FTO: variants seen among roughly 807,000 people sequenced by gnomAD.
The protein encoded by FTO is alpha-ketoglutarate-dependent dioxygenase FTO.
In FTO, 47 loss-of-function variants were observed where a neutral mutation model predicts 63.9. The ratio of observed to expected loss-of-function variants is 0.74; its 90% CI spans 0.58 to 0.94. The LOEUF is 0.94. Ranked by LOEUF, FTO falls within the 40% of genes least tolerant of loss-of-function variation. The pLI, the probability that FTO is intolerant of heterozygous loss-of-function variation, is 0.00. For synonymous variants in FTO, 207 were observed against 224.4 expected (o/e 0.92, Z 0.69); for missense variants, 562 against 618.1 (o/e 0.91, Z 0.96).
chr16:53,741,126 A>T (rs148368682), intron 1 of FTO, among the ~76,000 whole-genome samples: 1 of 152,382 alleles, frequency 6.6e-6, no homozygotes, highest in South Asian at 2.1e-4. Context: ...TTATTGAAAC[A>T]TAGCCATGCT....
At chr16:53,764,355 G>C (rs1462807418) in intron 1 of FTO, 2 of 152,434 alleles carry the variant, frequency 1.3e-5, no homozygotes, top group Non-Finnish European at 2.9e-5. Flanking sequence ...GGTGTGGCTG[G>C]GCGCGGTGGC....
chr16:53,958,400 G>A (rs1000234588), intron 8 of FTO, among the ~76,000 whole-genome samples: 4 of 152,160 alleles, frequency 2.6e-5, no homozygotes, highest in Admixed American at 6.5e-5. Flanking sequence ...ACACTTCGGC[G>A]GGCAGCCTGG....
At chr16:53,715,033 TAC>T (rs1295822878) in intron 1 of FTO, among the ~76,000 whole-genome samples, 1 of 152,202 alleles carries the variant, frequency 6.6e-6, no homozygotes, top group Non-Finnish European at 1.5e-5. Context: ...ACCATCAAGA[TAC>T]TAATCCTCTG....
chr16:53,725,444 C>T (rs546230639), intron 1 of FTO, among the ~76,000 whole-genome samples: 3 of 152,164 alleles, frequency 2.0e-5, no homozygotes, highest in Admixed American at 6.5e-5. Flanking sequence ...TGAGTGTGTA[C>T]TTATGGCTTG....
At chr16:53,811,908 G>GC (rs1408606460) in intron 2 of FTO, among the ~76,000 whole-genome samples, 16 of 152,080 alleles carry the variant, frequency 1.1e-4, no homozygotes, top group Admixed American at 8.5e-4. Context: ...TGCCCCCTGG[G>GC]CCCATGCGAT....
At chr16:53,876,036 T>C (rs1187688843) in intron 5 of FTO, among the ~76,000 whole-genome samples, 1 of 152,194 alleles carries the variant, frequency 6.6e-6, no homozygotes, top group Non-Finnish European at 1.5e-5. Context: ...TGGGATTCAA[T>C]ACAGAATGTC....
chr16:54,001,740 T>C (rs1442301134), intron 8 of FTO, among the ~76,000 whole-genome samples: 3 of 152,198 alleles, frequency 2.0e-5, no homozygotes, highest in Non-Finnish European at 4.4e-5. Flanking sequence ...CTCTTCTAGT[T>C]GGTCTCTGAA....
chr16:53,943,757 T>A (rs1356437477), intron 8 of FTO, among the ~76,000 whole-genome samples: 3 of 152,220 alleles, frequency 2.0e-5, no homozygotes, highest in Non-Finnish European at 4.4e-5. Flanking sequence ...TTTTCTGAGC[T>A]TTGTTATAAA....
chr16:53,947,718 G>A (rs1427634999), intron 8 of FTO, among the ~76,000 whole-genome samples: 2 of 152,192 alleles, frequency 1.3e-5, no homozygotes, highest in Non-Finnish European at 2.9e-5. Context: ...CGAAGTCTAA[G>A]CTTTACATTT....
chr16:53,797,901 A>G (rs1362268464), intron 1 of FTO, among the ~76,000 whole-genome samples: 1 of 152,110 alleles, frequency 6.6e-6, no homozygotes, highest in Admixed American at 6.5e-5. Context: ...CTTAAATACT[A>G]AAAGAGTTTC....
At chr16:53,954,745 G>A (rs1370379886) in intron 8 of FTO, among the ~76,000 whole-genome samples, 1 of 152,050 alleles carries the variant, frequency 6.6e-6, no homozygotes, top group Non-Finnish European at 1.5e-5. Flanking sequence ...CCCATGGGCT[G>A]TTGAGCCGGA....
At chr16:53,901,114 T>C (rs1170679978) in intron 7 of FTO, among the ~76,000 whole-genome samples, 1 of 152,220 alleles carries the variant, frequency 6.6e-6, no homozygotes, top group Non-Finnish European at 1.5e-5. Flanking sequence ...TTCAGTTATT[T>C]GCACTACTTT....
intron 7 of FTO, among the ~76,000 whole-genome samples, chr16:53,916,538 AT>A (rs1339813140): frequency 1.3e-5 from 2 of 152,246 alleles, no homozygotes; most frequent in Non-Finnish European, 2.9e-5. Context: ...CGTTTTGCTC[AT>A]GTGAACATTG....
intron 8 of FTO, among the ~76,000 whole-genome samples, chr16:54,004,587 G>A (rs148515878): frequency 7.3e-4 from 111 of 152,160 alleles, no homozygotes; most frequent in African/African-American, 2.5e-3. Flanking sequence ...ATTATGAAGC[G>A]CCCATGCTAG....
chr16:54,011,442 A>G (rs750602249), intron 8 of FTO, among the ~76,000 whole-genome samples: 3 of 152,226 alleles, frequency 2.0e-5, no homozygotes. Flanking sequence ...CCCTATATCT[A>G]TCAGCCTAAT....
intron 8 of FTO, among the ~76,000 whole-genome samples, chr16:54,060,720 T>C (rs856974): frequency 0.53 from 81,298 of 152,070 alleles, 24,336 homozygotes; most frequent in African/African-American, 0.81. Flanking sequence ...CCAGCCATAC[T>C]GGGACGCTAG....
intron 1 of FTO, among the ~76,000 whole-genome samples, chr16:53,764,610 C>T (rs562642728): frequency 1.7e-4 from 26 of 152,010 alleles, no homozygotes; most frequent in Non-Finnish European, 2.6e-4. Flanking sequence ...AGAGCATGTG[C>T]GAACTTGAGA....
At chr16:53,812,328 T>A (rs1312926755) in intron 2 of FTO, among the ~76,000 whole-genome samples, 1 of 151,816 alleles carries the variant, frequency 6.6e-6, no homozygotes, top group Non-Finnish European at 1.5e-5. Context: ...TGGAGTGCAG[T>A]GGCGCGATCT....
intron 8 of FTO, among the ~76,000 whole-genome samples, chr16:53,934,754 G>A (rs1040140949): frequency 1.3e-5 from 2 of 152,088 alleles, no homozygotes; most frequent in Non-Finnish European, 2.9e-5. Context: ...GTATAGAAAA[G>A]GTACTATAAA....
Sources: allele counts gnomAD v4.1 joint callset (sites outside exome capture counted in the v4.1 genomes callset), GRCh38; gene constraint gnomAD v4.1.1; transcripts MANE v1.5; gene names NCBI Gene and HGNC (gene_info 2026-07-23, HGNC 2026-07-21).